The following GLI2 variants were observed in gnomAD, a reference collection of about 807,000 sequenced individuals.
GLI2 encodes the protein GLI family zinc finger 2, also known as transcription activator GLI2.
GLI2 carries 22 observed loss-of-function variants against 78.9 expected under a neutral mutation model. That is an observed-to-expected ratio of 0.28 (90% CI 0.20 to 0.40). The LOEUF (loss-of-function observed/expected upper bound fraction) is 0.40, where lower values mean the gene tolerates loss of function less well. GLI2 is among the 10% of genes least tolerant of loss of function. GLI2 has a pLI of 1.00. For synonymous variants in GLI2, 974 were observed against 963.7 expected, an observed-to-expected ratio of 1.01 and a Z score of -0.20; for missense variants, 2,097 against 2,213.2, an observed-to-expected ratio of 0.95 and a Z score of 1.05.
At chr2:120,873,571 A>G (rs1688576598) in intron 2 of GLI2, among the ~76,000 whole-genome samples, 1 of 152,228 alleles carries the variant, frequency 6.6e-6, no homozygotes. Context: ...AGTGAAAAAC[A>G]CAAATAATGT....
At chr2:120,758,344 G>C (rs1479794385) in intron 1 of GLI2, among the ~76,000 whole-genome samples, 4 of 152,252 alleles carry the variant, frequency 2.6e-5, no homozygotes, top group African/African-American at 7.2e-5. Context: ...AGGCTTGCCA[G>C]CAAAGGCACT....
At chr2:120,862,748 C>T (rs545239317) in intron 2 of GLI2, among the ~76,000 whole-genome samples, 74 of 152,266 alleles carry the variant, frequency 4.9e-4, no homozygotes, top group African/African-American at 1.7e-3. Context: ...TCTGGGTGAG[C>T]GAGTGTGGGG....
At chr2:120,747,677 C>T (rs944969061) in intron 1 of GLI2, among the ~76,000 whole-genome samples, 2 of 152,200 alleles carry the variant, frequency 1.3e-5, no homozygotes, top group African/African-American at 4.8e-5. Context: ...AAAGAATTTT[C>T]AGCCCAAATG....
chr2:120,931,997 CG>C (rs1213919545), intron 3 of GLI2, among the ~76,000 whole-genome samples: 1 of 152,136 alleles, frequency 6.6e-6, no homozygotes, highest in Non-Finnish European at 1.5e-5. Flanking sequence ...GCAAGAGCCT[CG>C]GGGCTGGCCC....
At chr2:120,987,755 G>A (rs1222426625) in intron 13 of GLI2, among the ~76,000 whole-genome samples, 3 of 152,182 alleles carry the variant, frequency 2.0e-5, no homozygotes, top group Admixed American at 6.5e-5. Flanking sequence ...CAGTCCTACG[G>A]AGAGGCACAT....
intron 5 of GLI2, among the ~76,000 whole-genome samples, chr2:120,964,215 G>A (rs894474345): frequency 1.3e-5 from 2 of 152,184 alleles, no homozygotes; most frequent in African/African-American, 2.4e-5. Flanking sequence ...GTGATGACTC[G>A]GCTGAGGTCT....
chr2:120,907,755 A>G (rs920439385), intron 2 of GLI2, among the ~76,000 whole-genome samples: 3 of 152,140 alleles, frequency 2.0e-5, no homozygotes, highest in East Asian at 1.9e-4. Context: ...GGTGGTGATC[A>G]TAACCCCCCC....
At chr2:120,815,538 C>A (rs553911488) in intron 2 of GLI2, among the ~76,000 whole-genome samples, 1 of 152,318 alleles carries the variant, frequency 6.6e-6, no homozygotes, top group South Asian at 2.1e-4. Context: ...TCCCAAGTAC[C>A]ACGGGATTGA....
At chr2:120,972,984 G>A (rs1682264766) in intron 8 of GLI2, among the ~76,000 whole-genome samples, 1 of 152,124 alleles carries the variant, frequency 6.6e-6, no homozygotes, top group East Asian at 1.9e-4. Context: ...GCCCTCTCAT[G>A]GTGGCCCAGT....
chr2:120,757,103 T>C (rs190477531), intron 1 of GLI2, among the ~76,000 whole-genome samples: 3 of 152,294 alleles, frequency 2.0e-5, no homozygotes, highest in Admixed American at 2.0e-4. Context: ...TCCACTTAAC[T>C]CTTTGGACAC....
chr2:120,920,097 G>A (rs1014988396), intron 2 of GLI2, among the ~76,000 whole-genome samples: 1 of 152,222 alleles, frequency 6.6e-6, no homozygotes, highest in Non-Finnish European at 1.5e-5. Context: ...ATTCCCTCCC[G>A]CAGTCTTGAT....
chr2:120,972,181 A>C (rs1034581403), intron 8 of GLI2, 118 bp downstream of exon 8: 3 of 1,141,308 alleles, frequency 2.6e-6, no homozygotes, highest in Non-Finnish European at 3.9e-6. Flanking sequence ...TGGATGAATG[A>C]GTGACCCAGG....
intron 1 of GLI2, among the ~76,000 whole-genome samples, chr2:120,758,169 T>G (rs1027868354): frequency 6.6e-6 from 1 of 152,120 alleles, no homozygotes; most frequent in South Asian, 2.1e-4. Flanking sequence ...TCACCACTTA[T>G]CCGGGCCGCC....
intron 5 of GLI2, among the ~76,000 whole-genome samples, chr2:120,960,175 G>A (rs1467406869): frequency 6.6e-6 from 1 of 152,186 alleles, no homozygotes; most frequent in Non-Finnish European, 1.5e-5. Flanking sequence ...CTGCCTTCCT[G>A]GTGCCTGAGC....
intron 2 of GLI2, among the ~76,000 whole-genome samples, chr2:120,844,129 G>A (rs528996277): frequency 5.6e-4 from 85 of 152,282 alleles, no homozygotes; most frequent in African/African-American, 1.8e-3. Context: ...TCCCTAGTTC[G>A]AAATTAGCAG....
intron 2 of GLI2, among the ~76,000 whole-genome samples, chr2:120,906,551 C>T (rs78608014): frequency 0.046 from 7,010 of 152,176 alleles, 206 homozygotes; most frequent in Middle Eastern, 0.088. Context: ...ACACACTGGC[C>T]GTGTACAATC....
chr2:120,799,939 T>C (rs2104702491), intron 2 of GLI2, among the ~76,000 whole-genome samples: 1 of 152,252 alleles, frequency 6.6e-6, no homozygotes, highest in East Asian at 1.9e-4. Context: ...GGGATGCTCT[T>C]GTGTTCATCT....
At chr2:120,808,468 G>A (rs1193687196) in intron 2 of GLI2, among the ~76,000 whole-genome samples, 2 of 152,198 alleles carry the variant, frequency 1.3e-5, no homozygotes, top group African/African-American at 2.4e-5. Flanking sequence ...TGGAGTACCT[G>A]TGCCTGGGGA....
intron 2 of GLI2, among the ~76,000 whole-genome samples, chr2:120,922,949 C>T (rs906070461): frequency 2.6e-5 from 4 of 152,110 alleles, no homozygotes; most frequent in East Asian, 1.9e-4. Flanking sequence ...AGACAACAGA[C>T]GGCAGGCCCC....
Sources: gnomAD v4.1 joint callset for allele counts (sites outside exome capture counted in the v4.1 genomes callset) on GRCh38, gnomAD v4.1.1 for gene constraint, MANE v1.5 for transcripts, NCBI Gene and HGNC (gene_info 2026-07-23, HGNC 2026-07-21) for gene names.